The following GRAMD2A variants were observed in gnomAD, a reference collection of about 807,000 sequenced individuals.
GRAMD2A encodes the protein GRAM domain-containing protein 2A.
GRAMD2A carries 37 observed loss-of-function variants against 51.1 expected under a neutral mutation model. The observed-to-expected ratio is 0.72, with a 90% CI of 0.56 to 0.95. The LOEUF is 0.95. GRAMD2A is among the 40% of genes least tolerant of loss of function. The probability of loss-of-function intolerance (pLI) is 0.00; values close to 1 mark genes in which losing one functional copy is unlikely to be tolerated. For synonymous variants in GRAMD2A, 136 were observed against 157.1 expected (o/e 0.87, Z 1.01); for missense variants, 414 against 426.9 (o/e 0.97, Z 0.27).
At chr15:72,185,749 A>G (rs541277004) in intron 1 of GRAMD2A, among the ~76,000 whole-genome samples, 3 of 152,264 alleles carry the variant, frequency 2.0e-5, no homozygotes, top group Non-Finnish European at 4.4e-5. Context: ...CTATGAGTAT[A>G]TGAGAATTTA....
At chr15:72,195,974 G>C (rs773128440) in intron 1 of GRAMD2A, among the ~76,000 whole-genome samples, 4 of 152,178 alleles carry the variant, frequency 2.6e-5, no homozygotes, top group Non-Finnish European at 5.9e-5. Flanking sequence ...CACAGATGGA[G>C]CTTGAGCTAC....
chr15:72,195,674 C>CT (rs1480755779), intron 1 of GRAMD2A, among the ~76,000 whole-genome samples: 1 of 152,124 alleles, frequency 6.6e-6, no homozygotes, highest in Non-Finnish European at 1.5e-5. Flanking sequence ...AATCCCAGCA[C>CT]TTTGAGAGGC....
In GRAMD2A at chr15:72,167,676, G is replaced by A. The variant is rs564435195; in HGVS notation, c.372+60C>T. On this transcript the variant is annotated intron_variant, in intron 5 of 11. Coordinates refer to ENST00000309731, the MANE Select transcript of GRAMD2A (RefSeq NM_001012642.3). ...ATAGGCATGACTTTGAGGCATGCCC[G>A]TGGGGCAGGAGGCTGGCTCCCCTCA... 4.2e-5 allele frequency: 55 copies of A among 1,297,082 alleles called. No individual in the cohort carries two copies. In the African/African-American group the frequency reaches 4.5e-4, roughly 11 times the overall value. 80.3% of individuals were successfully genotyped at this position (1,297,082 alleles called of 1,614,324 possible).
intron 1 of GRAMD2A, among the ~76,000 whole-genome samples, chr15:72,178,865 G>T (rs570313121): frequency 6.6e-6 from 1 of 151,798 alleles, no homozygotes; most frequent in South Asian, 2.1e-4. Context: ...TGAGCCACCC[G>T]GCCCGGCTGT....
chr15:72,180,207 G>A (rs758983203), intron 1 of GRAMD2A, among the ~76,000 whole-genome samples: 2 of 152,158 alleles, frequency 1.3e-5, no homozygotes, highest in African/African-American at 2.4e-5. Flanking sequence ...CAAAGCATAG[G>A]CCAAATCACA....
In GRAMD2A at chr15:72,169,877, G is replaced by A. The variant is rs528764055; in HGVS notation, c.104C>T (p.Pro35Leu). Reference sequence around the variant, plus strand: ...GTCCGGGGGCTCCTCAACTCTGTCTGGTTTCTCTTTGCAGGACACAGGACT... The same window carrying A: ...GTCCGGGGGCTCCTCAACTCTGTCTAGTTTCTCTTTGCAGGACACAGGACT... ...LNSPVSCKEK[P>L]DRVEEPPDYS... The change falls in exon 2 of 12, where the codon CCA (proline) becomes CTA (leucine). Residue 35 changes from proline (P) to leucine (L), a missense_variant. By Grantham distance (98) the Pro-to-Leu change is moderately conservative. Coordinates refer to ENST00000309731, the MANE Select transcript of GRAMD2A (RefSeq NM_001012642.3). 1.9e-6 allele frequency: 3 copies of A among 1,613,962 alleles called. No homozygotes were observed. Among genetic ancestry groups the A allele is most frequent in the African/African-American group, 2.7e-5 (2 of 74,934 alleles).
At chr15:72,168,436 C>A (rs1381314190) in intron 4 of GRAMD2A, 55 bp downstream of exon 4, 1 of 1,303,682 alleles carries the variant, frequency 7.7e-7, no homozygotes. Flanking sequence ...AGAGCAGAGG[C>A]CCCTGGCCCC....
intron 1 of GRAMD2A, among the ~76,000 whole-genome samples, chr15:72,187,516 G>A (rs1481522228): frequency 1.3e-5 from 2 of 151,642 alleles, no homozygotes; most frequent in South Asian, 2.1e-4. Context: ...AAAGATATAA[G>A]TTATATATAT....
rs374583602 is a variant in GRAMD2A, at chr15:72,181,275, A to G, written c.42-11336T>C. Among the ~76,000 whole-genome samples the G allele has an allele frequency of 7.7e-4, 118 of 152,322 alleles. 1 individual carries two copies. The highest frequency in any genetic ancestry group is 3.4e-3 in the Middle Eastern group (1 of 294). On this transcript the variant is annotated intron_variant, in intron 1 of 11. Coordinates refer to ENST00000309731, the MANE Select transcript of GRAMD2A (RefSeq NM_001012642.3). Reference sequence around the variant, plus strand: ...GGTCATTATCTTAAAAGCAATGGGGAACCAATGTAGAGATTTAAACAGGAA... The same window carrying G: ...GGTCATTATCTTAAAAGCAATGGGGGACCAATGTAGAGATTTAAACAGGAA...
At chr15:72,175,242 A>G (rs765041722) in intron 1 of GRAMD2A, among the ~76,000 whole-genome samples, 5 of 152,048 alleles carry the variant, frequency 3.3e-5, no homozygotes, top group East Asian at 3.9e-4. Flanking sequence ...CCAGGCCACA[A>G]TCCTTTTCCC....
intron 1 of GRAMD2A, among the ~76,000 whole-genome samples, chr15:72,181,793 G>C (rs555964631): frequency 2.0e-5 from 3 of 152,298 alleles, no homozygotes; most frequent in East Asian, 3.9e-4. Flanking sequence ...ATGTGTGAGA[G>C]ACATTTAAGT....
At chr15:72,163,935 C>T in intron 8 of GRAMD2A, 178 bp from the exon 9 acceptor site, 1 of 589,570 alleles carries the variant, frequency 1.7e-6, no homozygotes, top group Non-Finnish European at 2.9e-6. Context: ...TATGCCTCTC[C>T]TCTCTGCTCC....
intron 1 of GRAMD2A, among the ~76,000 whole-genome samples, chr15:72,177,268 G>T (rs549426661): frequency 6.6e-6 from 1 of 152,108 alleles, no homozygotes; most frequent in Admixed American, 6.5e-5. Flanking sequence ...TTCTTAAATT[G>T]TTGTTGAAGT....
intron 1 of GRAMD2A, among the ~76,000 whole-genome samples, chr15:72,179,000 A>G (rs987225242): frequency 6.6e-6 from 1 of 152,162 alleles, no homozygotes; most frequent in African/African-American, 2.4e-5. Context: ...ATCGAGTCTC[A>G]TACTGAGTGT....
In GRAMD2A at chr15:72,183,665, A is replaced by T. The variant is rs550149011; in HGVS notation, c.42-13726T>A. 7.9e-5 allele frequency among the ~76,000 whole-genome samples: 12 copies of T among 152,322 alleles called. No individual in the cohort carries two copies. In the East Asian group the frequency reaches 2.3e-3, roughly 29 times the overall value. On this transcript the variant is annotated intron_variant, in intron 1 of 11. Transcript: ENST00000309731. Reference sequence around the variant, plus strand: ...GCCAACATGGTGAAATCCTGTCTCTACTAAAAAAAATAAATAAATACAAAA... The same window carrying T: ...GCCAACATGGTGAAATCCTGTCTCTTCTAAAAAAAATAAATAAATACAAAA...
At chr15:72,162,749 C>T (rs1197255205) in intron 10 of GRAMD2A, 1 of 224,694 alleles carries the variant, frequency 4.5e-6, no homozygotes, top group African/African-American at 2.3e-5. Context: ...CCCATTCCCC[C>T]AGCAGGTGCT....
intron 1 of GRAMD2A, among the ~76,000 whole-genome samples, chr15:72,186,254 G>T (rs1192618042): frequency 6.6e-6 from 1 of 151,926 alleles, no homozygotes; most frequent in Non-Finnish European, 1.5e-5. Flanking sequence ...TAAAGACTGA[G>T]TTAACCTTTC....
Position 72,163,460 on chromosome 15 carries a change from T to C in GRAMD2A, c.762A>G (p.Gln254=), listed in dbSNP as rs1399053522. 25 of 1,613,992 alleles carry C rather than the reference T, an allele frequency of 1.5e-5. No homozygotes were observed. The highest frequency in any genetic ancestry group is 2.2e-5 in the East Asian group (1 of 44,882). ...ACCTCCCACCATTTTCTGAAGCTAC[T>C]TGGGCTCTTGACTTTTCTTTATGGA... The part of the protein sequence containing the change: ...KPPMSEKSRA[Q]VASENGGRWA... The change falls in exon 10 of 12, where the codon CAA becomes CAG. Residue 254 remains glutamine (Q), a synonymous_variant. Transcript: ENST00000309731.
At chr15:72,193,729 T>C (rs1225941663) in intron 1 of GRAMD2A, among the ~76,000 whole-genome samples, 1 of 151,696 alleles carries the variant, frequency 6.6e-6, no homozygotes, top group African/African-American at 2.4e-5. Flanking sequence ...GGTTTCGCCC[T>C]GTTAGCCAGG....
Sources: allele counts gnomAD v4.1 joint callset (sites outside exome capture counted in the v4.1 genomes callset), GRCh38; gene constraint gnomAD v4.1.1; transcripts MANE v1.5; gene names NCBI Gene and HGNC (gene_info 2026-07-23, HGNC 2026-07-21).